ZYG11B: variants seen among roughly 807,000 people sequenced by gnomAD.
ZYG11B encodes the protein zyg-11 family member B, cell cycle regulator.
ZYG11B carries 36 observed loss-of-function variants against 82.4 expected under a neutral mutation model. The ratio of observed to expected loss-of-function variants is 0.44; its 90% CI spans 0.33 to 0.58. ZYG11B has a LOEUF of 0.58. ZYG11B is among the 20% of genes least tolerant of loss of function. ZYG11B has a pLI of 0.02. For missense variants in ZYG11B, 552 were observed against 895.6 expected, an observed-to-expected ratio of 0.62 and a Z score of 4.90; for synonymous variants, 303 against 312.8, an observed-to-expected ratio of 0.97 and a Z score of 0.33.
At chr1:52,806,773 T>C (rs1335838104) in intron 10 of ZYG11B, among the ~76,000 whole-genome samples, 2 of 152,172 alleles carry the variant, frequency 1.3e-5, no homozygotes, top group Non-Finnish European at 2.9e-5. Flanking sequence ...TTTGAAAATA[T>C]CTGTTTTTTA....
rs574198019 is a variant in ZYG11B at position 52,824,341 on chromosome 1, A to T, written c.*2712A>T. 1 of 152,084 alleles carries T rather than the reference A, an allele frequency of 6.6e-6. No individual in the cohort carries two copies. The highest frequency in any genetic ancestry group is 2.4e-5 in the African/African-American group (1 of 41,484). 9.4% of individuals were successfully genotyped at this position (152,084 alleles called of 1,614,324 possible). ...CATCAGTAGTGGCCAGATACTTCTG[A>T]GTCTTAAAAGCATAATAGGCCGGGC... On this transcript the variant is annotated 3_prime_UTR_variant, in exon 14 of 14. Coordinates refer to ENST00000294353, the MANE Select transcript of ZYG11B (RefSeq NM_024646.3).
At chr1:52,810,290 A>G (rs1316231095) in intron 10 of ZYG11B, among the ~76,000 whole-genome samples, 1 of 152,146 alleles carries the variant, frequency 6.6e-6, no homozygotes, top group Non-Finnish European at 1.5e-5. Context: ...AGCACTATGC[A>G]CTTTTCTCTA....
At chr1:52,759,826 ATTG>A (rs1352495910) in intron 2 of ZYG11B, among the ~76,000 whole-genome samples, 10 of 152,036 alleles carry the variant, frequency 6.6e-5, no homozygotes, top group Non-Finnish European at 1.3e-4. Flanking sequence ...TTTTTTATTT[ATTG>A]CTGTTACTAT....
chr1:52,770,393 T>C (rs1469711209), intron 2 of ZYG11B, among the ~76,000 whole-genome samples: 2 of 152,090 alleles, frequency 1.3e-5, no homozygotes, highest in Non-Finnish European at 2.9e-5. Context: ...ATTATGTGTA[T>C]ATGTGTTTGT....
rs762266371 is a variant in ZYG11B at position 52,795,651 on chromosome 1, CA to C, written c.1335-637del. Among the ~76,000 whole-genome samples, 11 of 152,224 alleles carry C rather than the reference CA, an allele frequency of 7.2e-5. No homozygotes were observed. The East Asian group carries it at 2.1e-3, about 29-fold the overall frequency. On this transcript the variant is annotated intron_variant, in intron 6 of 13. Transcript: ENST00000294353. ...CCCATATGGTTCTTTCTTACTTCCT[CA>C]AAAGTTTCAATGAGGCCTTCCGTAG...
In ZYG11B at chr1:52,821,571, T is replaced by C. The variant is rs1645284430; in HGVS notation, c.2177T>C (p.Ile726Thr). ...ATTCTGGATAGCTTAGAAAAACACA[T>C]TGTGCGCCATGGGAGGCCACCTCCC... ...VAILDSLEKH[I>T]VRHGRPPPCK... Residue 726 changes from isoleucine (I) to threonine (T), a missense_variant, in exon 14 of 14, where the codon ATT (isoleucine) becomes ACT (threonine). By Grantham distance (89) the Ile-to-Thr change is moderately conservative. This residue lies in a region of ZYG11B where 127 missense variants were observed against 163.4 expected (regional missense o/e 0.78). Transcript: ENST00000294353. 6 of 1,614,062 alleles carry C rather than the reference T, an allele frequency of 3.7e-6. No homozygotes were observed. The highest frequency in any genetic ancestry group is 5.1e-6 in the Non-Finnish European group (6 of 1,179,980).
chr1:52,799,499 CAAAAG>C (rs1321283108), intron 8 of ZYG11B, among the ~76,000 whole-genome samples: 2 of 135,538 alleles, frequency 1.5e-5, no homozygotes, highest in Non-Finnish European at 3.2e-5. Flanking sequence ...AAAAAAAAAA[CAAAAG>C]AAAGAAAAAA....
At chr1:52,795,668 C>T (rs920323749) in intron 6 of ZYG11B, among the ~76,000 whole-genome samples, 3 of 152,160 alleles carry the variant, frequency 2.0e-5, no homozygotes, top group Admixed American at 2.0e-4. Flanking sequence ...TTCAATGAGG[C>T]CTTCCGTAGC....
intron 1 of ZYG11B, among the ~76,000 whole-genome samples, chr1:52,733,398 C>T (rs1232829125): frequency 1.3e-5 from 2 of 152,082 alleles, no homozygotes; most frequent in East Asian, 1.9e-4. Context: ...TGGTGGCTCA[C>T]GCCTGTAATC....
At chr1:52,745,286 G>A (rs11206004) in intron 1 of ZYG11B, among the ~76,000 whole-genome samples, 76,713 of 151,902 alleles carry the variant, frequency 0.51, 19,554 homozygotes, top group East Asian at 0.62. Context: ...AATAAAAACC[G>A]GAGTGGGGGT....
intron 13 of ZYG11B, among the ~76,000 whole-genome samples, chr1:52,821,194 A>T (rs186254664): frequency 2.8e-4 from 43 of 152,012 alleles, no homozygotes; most frequent in African/African-American, 9.2e-4. Flanking sequence ...TTTTTAATAC[A>T]GGTTGTACAT....
At chr1:52,807,774 C>T (rs183180222) in intron 10 of ZYG11B, among the ~76,000 whole-genome samples, 1 of 152,236 alleles carries the variant, frequency 6.6e-6, no homozygotes, top group Admixed American at 6.5e-5. Context: ...TATAGGTGTG[C>T]ACCACCATAG....
intron 2 of ZYG11B, among the ~76,000 whole-genome samples, chr1:52,768,596 CTTTTTT>C (rs142493514): frequency 4.4e-5 from 6 of 136,850 alleles, no homozygotes; most frequent in Admixed American, 1.5e-4. Context: ...CCTTCTTCCT[CTTTTTT>C]TTTTTTTTTT....
chr1:52,780,337 C>T (rs1644845410), intron 4 of ZYG11B, among the ~76,000 whole-genome samples: 1 of 152,010 alleles, frequency 6.6e-6, no homozygotes, highest in Non-Finnish European at 1.5e-5. Flanking sequence ...TATATTGCTT[C>T]CCAAATAGAT....
chr1:52,793,245 G>A (rs1316291212), intron 6 of ZYG11B, among the ~76,000 whole-genome samples: 3 of 151,728 alleles, frequency 2.0e-5, no homozygotes, highest in African/African-American at 2.4e-5. Context: ...GTGGCTCATG[G>A]AGAATGTAAT....
At chr1:52,818,550 G>A (rs1645254233) in intron 13 of ZYG11B, among the ~76,000 whole-genome samples, 1 of 152,044 alleles carries the variant, frequency 6.6e-6, no homozygotes, top group Non-Finnish European at 1.5e-5. Flanking sequence ...AGGGATTTTT[G>A]TGGCTCTGCT....
chr1:52,751,896 G>C (rs1054751230), intron 1 of ZYG11B, among the ~76,000 whole-genome samples: 1 of 151,434 alleles, frequency 6.6e-6, no homozygotes, highest in Non-Finnish European at 1.5e-5. Flanking sequence ...AAACCATATA[G>C]TAGGAGAAAA....
At chr1:52,798,107 A>C (rs1395013097) in intron 8 of ZYG11B, among the ~76,000 whole-genome samples, 1 of 151,732 alleles carries the variant, frequency 6.6e-6, no homozygotes, top group African/African-American at 2.4e-5. Context: ...TGGGTGATGG[A>C]GTGAGACCCG....
rs527367427 is a variant in ZYG11B, at chr1:52,755,886, G to GC, written c.31-570dup. 2.7e-3 allele frequency among the ~76,000 whole-genome samples: 414 copies of GC among 152,074 alleles called. 3 individuals carry two copies. The highest frequency in any genetic ancestry group is 9.5e-3 in the African/African-American group (395 of 41,492). ...ATAATCTCGGCTCACTACAACTTCCGCCTCTTGGATTCAAGTGATTCTCCT... is the reference window on the plus strand; with the variant it reads ...ATAATCTCGGCTCACTACAACTTCCGCCCTCTTGGATTCAAGTGATTCTCCT... On this transcript the variant is annotated intron_variant, in intron 1 of 13. Transcript: ENST00000294353.
Sources: gnomAD v4.1 joint callset for allele counts (sites outside exome capture counted in the v4.1 genomes callset) on GRCh38, gnomAD v4.1.1 for gene constraint, gnomAD v4.1.1 regional missense constraint, MANE v1.5 for transcripts, NCBI Gene and HGNC (gene_info 2026-07-23, HGNC 2026-07-21) for gene names.